STXBP4: variants seen among roughly 807,000 people sequenced by gnomAD.
STXBP4 encodes the protein syntaxin binding protein 4.
In STXBP4, 55 loss-of-function variants were observed where a neutral mutation model predicts 76.1. That is an observed-to-expected ratio of 0.72 (90% CI 0.58 to 0.91). The LOEUF is 0.91. STXBP4 is among the 40% of genes least tolerant of loss of function. The pLI is 0.00. For missense variants in STXBP4, 618 were observed against 636.9 expected, an observed-to-expected ratio of 0.97 and a Z score of 0.32; for synonymous variants, 201 against 220.2, an observed-to-expected ratio of 0.91 and a Z score of 0.77.
intron 3 of STXBP4, among the ~76,000 whole-genome samples, chr17:54,988,854 CTA>C (rs1026140410): frequency 6.6e-6 from 1 of 152,156 alleles, no homozygotes; most frequent in African/African-American, 2.4e-5. Flanking sequence ...AGCTGATTGA[CTA>C]TTGCCCTAGA....
intron 12 of STXBP4, among the ~76,000 whole-genome samples, chr17:55,053,324 G>A (rs1185761317): frequency 6.6e-6 from 1 of 151,956 alleles, no homozygotes; most frequent in Admixed American, 6.6e-5. Context: ...CTTACCCTCA[G>A]ATGGTTAAAA....
chr17:55,057,953 A>G (rs757933214), intron 12 of STXBP4, among the ~76,000 whole-genome samples: 1 of 152,138 alleles, frequency 6.6e-6, no homozygotes, highest in Non-Finnish European at 1.5e-5. Flanking sequence ...CCAGTCTATC[A>G]TTGATGGGCA....
intron 13 of STXBP4, among the ~76,000 whole-genome samples, chr17:55,073,964 A>G (rs1041940229): frequency 6.6e-6 from 1 of 152,108 alleles, no homozygotes; most frequent in Non-Finnish European, 1.5e-5. Flanking sequence ...TTTTTACATA[A>G]TACATACTAT....
chr17:55,082,639 A>G (rs2079270662), intron 16 of STXBP4, among the ~76,000 whole-genome samples: 1 of 152,096 alleles, frequency 6.6e-6, no homozygotes, highest in African/African-American at 2.4e-5. Flanking sequence ...AAATATCCCC[A>G]AACACTGTGA....
intron 8 of STXBP4, among the ~76,000 whole-genome samples, chr17:55,025,272 A>G (rs1028389253): frequency 2.0e-5 from 3 of 152,306 alleles, no homozygotes; most frequent in African/African-American, 7.2e-5. Flanking sequence ...ACTAGATTAA[A>G]TGGAGAAATT....
At chr17:55,183,354 G>A in the STXBP4 span, among the ~76,000 whole-genome samples, 1 of 152,198 alleles carries the variant, frequency 6.6e-6, no homozygotes, top group Admixed American at 6.5e-5. Flanking sequence ...AGGAGGCTGA[G>A]GTGGGAGGAT....
At chr17:55,111,201 G>A (rs2079710701) in intron 16 of STXBP4, among the ~76,000 whole-genome samples, 1 of 152,048 alleles carries the variant, frequency 6.6e-6, no homozygotes, top group South Asian at 2.1e-4. Flanking sequence ...CACTCCCCTG[G>A]TCAAAACTCT....
the STXBP4 span, among the ~76,000 whole-genome samples, chr17:55,183,525 T>A: frequency 6.6e-6 from 1 of 152,330 alleles, no homozygotes; most frequent in South Asian, 2.1e-4. Flanking sequence ...TCAAGCCAAA[T>A]ATATCAGCAA....
At chr17:55,136,271 T>C (rs1400241977) in intron 16 of STXBP4, among the ~76,000 whole-genome samples, 1 of 152,132 alleles carries the variant, frequency 6.6e-6, no homozygotes, top group Non-Finnish European at 1.5e-5. Context: ...ACAGCATTGC[T>C]GTCCTTTGAT....
intron 16 of STXBP4, among the ~76,000 whole-genome samples, chr17:55,094,748 G>A (rs12453779): frequency 0.37 from 56,064 of 151,858 alleles, 11,226 homozygotes; most frequent in East Asian, 0.54. Context: ...TCCTTAAAAA[G>A]CGCTGAAATT....
intron 17 of STXBP4, among the ~76,000 whole-genome samples, chr17:55,143,130 G>A (rs1231104390): frequency 1.3e-5 from 2 of 152,172 alleles, no homozygotes; most frequent in Non-Finnish European, 2.9e-5. Flanking sequence ...AATATGCTAG[G>A]TGTATTTCTC....
chr17:55,034,175 C>T lies in STXBP4; in HGVS notation c.771C>T (p.Val257=), dbSNP rs9891266. 1.2e-6 allele frequency: 2 copies of T among 1,611,470 alleles called. No individual in the cohort carries two copies. The highest frequency in any genetic ancestry group is 2.7e-5 in the African/African-American group (2 of 74,816). Residue 257 remains valine, a synonymous_variant, in exon 10 of 18, where the codon GTC becomes GTT. Transcript: ENST00000376352. ...AAATGTGTTCCATTTTAGATTTTGT[C>T]CAGGTTGCCAGAAACTTGTTTTGCT... The part of the protein sequence containing the change: ...SKGTVSFGDF[V]QVARNLFCLQ...
At chr17:55,208,092 T>A in the STXBP4 span, among the ~76,000 whole-genome samples, 3 of 150,922 alleles carry the variant, frequency 2.0e-5, no homozygotes, top group Non-Finnish European at 4.4e-5. Context: ...ATAATGTGTT[T>A]TAATCCTCTC....
At chr17:55,098,894 A>T (rs2079529530) in intron 16 of STXBP4, among the ~76,000 whole-genome samples, 1 of 152,206 alleles carries the variant, frequency 6.6e-6, no homozygotes, top group African/African-American at 2.4e-5. Flanking sequence ...TCTTTACCAC[A>T]ATTAGCTAAC....
At chr17:55,131,523 A>G (rs1259613050) in intron 16 of STXBP4, among the ~76,000 whole-genome samples, 2 of 152,180 alleles carry the variant, frequency 1.3e-5, no homozygotes, top group African/African-American at 4.8e-5. Flanking sequence ...CTCTCAGGCA[A>G]CCTGTTACAA....
At chr17:55,089,838 T>C (rs1304311853) in intron 16 of STXBP4, among the ~76,000 whole-genome samples, 1 of 151,736 alleles carries the variant, frequency 6.6e-6, no homozygotes, top group African/African-American at 2.4e-5. Context: ...GACTTCTTGT[T>C]AAATTGACAG....
In STXBP4 at chr17:55,118,132, T is replaced by C. The variant is rs959138125; in HGVS notation, c.1490-23178T>C. ...GAAACAGACATGATCCCTACCTTTA[T>C]AGAGCTTATGATTTAAGTTGGAAAA... On this transcript the variant is annotated intron_variant, in intron 16 of 17. Coordinates refer to ENST00000376352, the MANE Select transcript of STXBP4 (RefSeq NM_178509.6). Among the ~76,000 whole-genome samples, 7 of 151,974 alleles carry C rather than the reference T, an allele frequency of 4.6e-5. No individual in the cohort carries two copies. In the East Asian group the frequency reaches 1.2e-3, roughly 25 times the overall value.
At chr17:54,991,063 A>C in intron 4 of STXBP4, 106 bp downstream of exon 4, 1 of 1,231,362 alleles carries the variant, frequency 8.1e-7, no homozygotes, top group Non-Finnish European at 1.1e-6. Flanking sequence ...CTGTGACCAT[A>C]CCTCAGTGAA....
At chr17:55,002,311 A>G (rs1415981447) in intron 7 of STXBP4, among the ~76,000 whole-genome samples, 3 of 152,138 alleles carry the variant, frequency 2.0e-5, no homozygotes, top group Non-Finnish European at 4.4e-5. Context: ...GCCTATTTTA[A>G]CCTTTTATTC....
Sources: gnomAD v4.1 joint callset for allele counts (sites outside exome capture counted in the v4.1 genomes callset) on GRCh38, gnomAD v4.1.1 for gene constraint, MANE v1.5 for transcripts, NCBI Gene and HGNC (gene_info 2026-07-23, HGNC 2026-07-21) for gene names.